Variants in SPMIP7 observed in about 807,000 individuals in gnomAD.
SPMIP7 encodes the protein sperm microtubule inner protein 7.
the SPMIP7 span, among the ~76,000 whole-genome samples, chr7:50,118,829 T>C: frequency 6.6e-6 from 1 of 152,176 alleles, no homozygotes; most frequent in Non-Finnish European, 1.5e-5. Flanking sequence ...ACTGAGGTAA[T>C]ATTACCTCGG....
chr7:50,098,092 T>C, the SPMIP7 span, among the ~76,000 whole-genome samples: 2 of 151,732 alleles, frequency 1.3e-5, no homozygotes, highest in Admixed American at 6.6e-5. Flanking sequence ...TAAATACACG[T>C]TATTTCTAAT....
chr7:50,104,733 C>A, the SPMIP7 span, among the ~76,000 whole-genome samples: 1 of 152,186 alleles, frequency 6.6e-6, no homozygotes, highest in African/African-American at 2.4e-5. Context: ...GAAAGGCTAA[C>A]AGCCACCAGA....
At chr7:50,145,618 GTATATATATATATATATATATATATA>G in the SPMIP7 span, among the ~76,000 whole-genome samples, 8 of 27,710 alleles carry the variant, frequency 2.9e-4, no homozygotes, top group African/African-American at 7.5e-4. Context: ...ATATGTGTGT[GTATATATATATATATATATATATATA>G]TATATATATA....
the SPMIP7 span, among the ~76,000 whole-genome samples, chr7:50,152,831 C>T: frequency 1.9e-3 from 287 of 152,118 alleles, 1 homozygote; most frequent in African/African-American, 6.7e-3. Context: ...GAATTACAGC[C>T]GTGCACTATC....
At chr7:50,103,023 A>G in the SPMIP7 span, among the ~76,000 whole-genome samples, 1 of 141,126 alleles carries the variant, frequency 7.1e-6, no homozygotes, top group Admixed American at 7.7e-5. Flanking sequence ...TATAATGTAT[A>G]TACTTGTAAG....
At chr7:50,097,493 A>C in the SPMIP7 span, among the ~76,000 whole-genome samples, 1 of 152,174 alleles carries the variant, frequency 6.6e-6, no homozygotes, top group Non-Finnish European at 1.5e-5. Context: ...TCACTGCCTG[A>C]ATCAGTGAAA....
the SPMIP7 span, among the ~76,000 whole-genome samples, chr7:50,138,721 G>A: frequency 6.6e-6 from 1 of 151,110 alleles, no homozygotes; most frequent in Non-Finnish European, 1.5e-5. Flanking sequence ...TTTAACAATT[G>A]CACCACTTCA....
chr7:50,128,514 T>C, the SPMIP7 span, among the ~76,000 whole-genome samples: 3 of 152,044 alleles, frequency 2.0e-5, no homozygotes, highest in Non-Finnish European at 4.4e-5. Flanking sequence ...GTGATGGATA[T>C]TCCAATTACT....
chr7:50,148,439 C>T, the SPMIP7 span, among the ~76,000 whole-genome samples: 1 of 152,202 alleles, frequency 6.6e-6, no homozygotes, highest in Admixed American at 6.5e-5. Context: ...GCGTCCATCC[C>T]TCTGACTTCT....
chr7:50,157,807 C>A, the SPMIP7 span, among the ~76,000 whole-genome samples: 1 of 152,114 alleles, frequency 6.6e-6, no homozygotes, highest in Non-Finnish European at 1.5e-5. Context: ...ACTAGGATAG[C>A]CATCTCCAGG....
At chr7:50,137,203 A>T in the SPMIP7 span, among the ~76,000 whole-genome samples, 2 of 152,174 alleles carry the variant, frequency 1.3e-5, no homozygotes, top group East Asian at 3.8e-4. Flanking sequence ...AGGAAGTAAT[A>T]CTAATAAAGT....
chr7:50,151,529 AC>A, the SPMIP7 span: 1 of 1,551,160 alleles, frequency 6.4e-7, no homozygotes, highest in Non-Finnish European at 8.7e-7. Context: ...TCCATCAACA[AC>A]CCCATCACCA....
the SPMIP7 span, among the ~76,000 whole-genome samples, chr7:50,123,117 C>T: frequency 1.5e-5 from 2 of 132,682 alleles, no homozygotes; most frequent in Non-Finnish European, 3.2e-5. Flanking sequence ...CACATGCACA[C>T]GTATGTTTAT....
chr7:50,157,619 T>C, the SPMIP7 span, among the ~76,000 whole-genome samples: 1 of 152,224 alleles, frequency 6.6e-6, no homozygotes, highest in Non-Finnish European at 1.5e-5. Context: ...GGTCACTATA[T>C]AGAGGGTTAA....
chr7:50,140,250 C>T, the SPMIP7 span: 5 of 879,038 alleles, frequency 5.7e-6, no homozygotes, highest in Non-Finnish European at 8.6e-6. Context: ...GCTTTCAGCT[C>T]ACGCATGTTG....
At chr7:50,126,528 T>C in the SPMIP7 span, among the ~76,000 whole-genome samples, 1 of 151,760 alleles carries the variant, frequency 6.6e-6, no homozygotes, top group East Asian at 1.9e-4. Context: ...TCAAACAATT[T>C]TAGGAGTCTA....
At chr7:50,146,677 C>T in the SPMIP7 span, among the ~76,000 whole-genome samples, 1 of 152,300 alleles carries the variant, frequency 6.6e-6, no homozygotes, top group East Asian at 1.9e-4. Flanking sequence ...GTCTTTTCCC[C>T]TCCAGCCACA....
chr7:50,109,423 C>T, the SPMIP7 span, among the ~76,000 whole-genome samples: 15 of 152,046 alleles, frequency 9.9e-5, no homozygotes, highest in East Asian at 2.7e-3. Context: ...GTCACCCCAG[C>T]GGAGTGCAGC....
the SPMIP7 span, among the ~76,000 whole-genome samples, chr7:50,122,157 T>C: frequency 2.0e-5 from 3 of 152,194 alleles, no homozygotes; most frequent in Admixed American, 6.6e-5. Context: ...ATGATTGTTT[T>C]AAATAAAAGT....
Sources: gnomAD v4.1 joint callset for allele counts (sites outside exome capture counted in the v4.1 genomes callset) on GRCh38, gnomAD v4.1.1 for gene constraint, MANE v1.5 for transcripts, NCBI Gene and HGNC (gene_info 2026-07-23, HGNC 2026-07-21) for gene names.